Variants in FBXW10B observed in about 807,000 individuals in gnomAD.
The protein encoded by FBXW10B is F-box and WD repeat domain containing 10B, also known as F-box and WD repeat domain containing protein 10B.
chr17:15,605,627 C>T, the FBXW10B span, among the ~76,000 whole-genome samples: 2 of 152,048 alleles, frequency 1.3e-5, no homozygotes, highest in East Asian at 1.9e-4. Context: ...AATCCATTTC[C>T]GTTAAATTTA....
chr17:15,599,173 C>CA, the FBXW10B span, among the ~76,000 whole-genome samples: 18,011 of 68,854 alleles, frequency 0.26, 2,702 homozygotes, highest in African/African-American at 0.37. Context: ...GACTCTGTCT[C>CA]AAAAAAAAAA....
At chr17:15,613,863 G>A in the FBXW10B span, 1 of 1,607,544 alleles carries the variant, frequency 6.2e-7, no homozygotes, top group Non-Finnish European at 8.5e-7. Flanking sequence ...TGGATGGGCA[G>A]GTAACGGATG....
chr17:15,583,760 G>C, the FBXW10B span, among the ~76,000 whole-genome samples: 13 of 152,058 alleles, frequency 8.5e-5, no homozygotes, highest in African/African-American at 2.7e-4. Flanking sequence ...ATGAGCCTGA[G>C]TATAGGTCCT....
chr17:15,596,418 C>G, the FBXW10B span: 3 of 1,338,938 alleles, frequency 2.2e-6, no homozygotes, highest in Admixed American at 2.5e-5. Flanking sequence ...AGGCCATACT[C>G]AGTTACTCTA....
chr17:15,598,692 G>A, the FBXW10B span: 8 of 1,592,448 alleles, frequency 5.0e-6, no homozygotes, highest in Non-Finnish European at 6.8e-6. Context: ...GAGTTCCTGA[G>A]GGCCCAAAGG....
At chr17:15,566,816 G>C in the FBXW10B span, among the ~76,000 whole-genome samples, 1 of 150,858 alleles carries the variant, frequency 6.6e-6, no homozygotes, top group Non-Finnish European at 1.5e-5. Flanking sequence ...CGCCCGCCTC[G>C]GCCTCCCAAA....
chr17:15,575,461 A>G, the FBXW10B span, among the ~76,000 whole-genome samples: 1 of 149,682 alleles, frequency 6.7e-6, no homozygotes, highest in Non-Finnish European at 1.5e-5. Context: ...TTACTCTTCT[A>G]TTTCTCCTCT....
chr17:15,600,759 T>C, the FBXW10B span, among the ~76,000 whole-genome samples: 1 of 151,816 alleles, frequency 6.6e-6, no homozygotes, highest in African/African-American at 2.4e-5. Context: ...AAGAAGATAA[T>C]ATATTGTCGG....
At chr17:15,608,868 A>G in the FBXW10B span, among the ~76,000 whole-genome samples, 1 of 152,238 alleles carries the variant, frequency 6.6e-6, no homozygotes, top group Non-Finnish European at 1.5e-5. Flanking sequence ...CAGATAAGGT[A>G]TCTGGGACTC....
chr17:15,595,292 A>G, the FBXW10B span, among the ~76,000 whole-genome samples: 1 of 152,130 alleles, frequency 6.6e-6, no homozygotes, highest in Non-Finnish European at 1.5e-5. Context: ...GTGAGCCAAG[A>G]TCTCACCACT....
the FBXW10B span, chr17:15,619,167 G>A: frequency 6.2e-7 from 1 of 1,613,948 alleles, no homozygotes; most frequent in Non-Finnish European, 8.5e-7. Context: ...TTCATCTTCT[G>A]TTCTACTGTT....
chr17:15,572,876 A>G, the FBXW10B span: 52,454 of 149,358 alleles, frequency 0.35, 12,209 homozygotes, highest in African/African-American at 0.67. Flanking sequence ...AGCCAGAAAT[A>G]AGTTGTACAA....
chr17:15,588,932 C>T, the FBXW10B span: 1 of 1,613,900 alleles, frequency 6.2e-7, no homozygotes, highest in Non-Finnish European at 8.5e-7. Context: ...AATCCACTCA[C>T]AGGAGCCCTG....
chr17:15,571,591 A>C, the FBXW10B span: 3 of 152,240 alleles, frequency 2.0e-5, no homozygotes, highest in Admixed American at 2.0e-4. Flanking sequence ...GAATGGTACA[A>C]TCAATTCCAA....
the FBXW10B span, chr17:15,593,438 G>A: frequency 2.2e-5 from 35 of 1,613,986 alleles, no homozygotes; most frequent in Admixed American, 5.8e-4. Context: ...TTCGGATCTT[G>A]CCATCTGCAC....
the FBXW10B span, among the ~76,000 whole-genome samples, chr17:15,611,839 A>G: frequency 4.3e-3 from 660 of 152,342 alleles, 1 homozygote; most frequent in Middle Eastern, 0.024. Context: ...GAGCTCGAAG[A>G]GTCTTCCGGT....
the FBXW10B span, among the ~76,000 whole-genome samples, chr17:15,610,916 G>A: frequency 1.3e-5 from 2 of 152,174 alleles, no homozygotes; most frequent in Admixed American, 1.3e-4. Flanking sequence ...AGCTGGCTGG[G>A]AGAGCTTGAC....
the FBXW10B span, chr17:15,594,894 C>G: frequency 6.2e-7 from 1 of 1,608,260 alleles, no homozygotes; most frequent in Non-Finnish European, 8.5e-7. Context: ...TGAGAGTCTG[C>G]AAGAAAAGAT....
the FBXW10B span, chr17:15,569,022 A>G: frequency 3.3e-6 from 4 of 1,200,454 alleles, no homozygotes; most frequent in Non-Finnish European, 4.2e-6. Flanking sequence ...GGTCTTCCGT[A>G]AGTGATCACT....
Sources: allele counts gnomAD v4.1 joint callset (sites outside exome capture counted in the v4.1 genomes callset), GRCh38; gene constraint gnomAD v4.1.1; transcripts MANE v1.5; gene names NCBI Gene and HGNC (gene_info 2026-07-23, HGNC 2026-07-21).